PTPRN2: variants seen among roughly 807,000 people sequenced by gnomAD.
The protein encoded by PTPRN2 is protein tyrosine phosphatase receptor type N2.
In PTPRN2, 74 loss-of-function variants were observed where a neutral mutation model predicts 118.8. That is an observed-to-expected ratio of 0.62 (90% confidence interval 0.52 to 0.76). The LOEUF (loss-of-function observed/expected upper bound fraction) is 0.76. Ranked by LOEUF, PTPRN2 falls within the 30% of genes least tolerant of loss-of-function variation. PTPRN2 has a pLI of 0.00. For missense variants in PTPRN2, 1,481 were observed against 1,394.4 expected (o/e 1.06, Z -0.99); for synonymous variants, 641 against 608.0 (o/e 1.05, Z -0.80).
At chr7:158,153,145 C>T (rs115650647) in intron 6 of PTPRN2, among the ~76,000 whole-genome samples, 57 of 152,264 alleles carry the variant, frequency 3.7e-4, no homozygotes, top group Non-Finnish European at 6.9e-4. Context: ...CGAGTGTGGC[C>T]GGGGCAGTCT....
At chr7:158,342,186 C>CCGCAGACGT (rs1806999268) in intron 2 of PTPRN2, among the ~76,000 whole-genome samples, 1 of 144,310 alleles carries the variant, frequency 6.9e-6, no homozygotes, top group Non-Finnish European at 1.5e-5. Flanking sequence ...GAGCCGACGC[C>CCGCAGACGT]CACAGACGTC....
intron 12 of PTPRN2, among the ~76,000 whole-genome samples, chr7:157,841,843 T>C (rs1808444758): frequency 6.6e-6 from 1 of 152,156 alleles, no homozygotes; most frequent in Non-Finnish European, 1.5e-5. Flanking sequence ...CACCCTGGAT[T>C]CTGCGCTTTC....
At chr7:158,248,903 GCA>G (rs1199929440) in intron 3 of PTPRN2, among the ~76,000 whole-genome samples, 1 of 137,926 alleles carries the variant, frequency 7.3e-6, no homozygotes, top group African/African-American at 2.8e-5. Context: ...GCACATATGT[GCA>G]TATATACACC....
In PTPRN2 at chr7:157,944,338, G is replaced by C. The variant is rs1800334416; in HGVS notation, c.1724-45601C>G. Reference sequence around the variant, plus strand: ...TCAGTGGAGCCCACCACCCAAGCGGGGGCGGTACCACTCCCACCACTGACT... The same window carrying C: ...TCAGTGGAGCCCACCACCCAAGCGGCGGCGGTACCACTCCCACCACTGACT... On this transcript the variant is annotated intron_variant, in intron 11 of 22. Coordinates refer to ENST00000389418, the MANE Select transcript of PTPRN2 (RefSeq NM_002847.5). The surrounding 1 kb of genome is among the most constrained non-coding windows in gnomAD (Gnocchi z 4.3). Among the ~76,000 whole-genome samples, 1 of 152,166 alleles carries C rather than the reference G, an allele frequency of 6.6e-6. No homozygotes were observed. The highest frequency in any genetic ancestry group is 1.5e-5 in the Non-Finnish European group (1 of 68,032).
chr7:157,736,079 G>A (rs1007800522), intron 12 of PTPRN2, among the ~76,000 whole-genome samples: 2 of 152,204 alleles, frequency 1.3e-5, no homozygotes, highest in African/African-American at 2.4e-5. Flanking sequence ...CTGCCTGGGC[G>A]AGGCCGGCAC....
Position 158,412,727 on chromosome 7 carries a change from G to A in PTPRN2, c.163+77008C>T, listed in dbSNP as rs1308341498. Among the ~76,000 whole-genome samples the A allele has an allele frequency of 6.1e-4, 56 of 92,282 alleles. 1 individual carries two copies. The highest frequency in any genetic ancestry group is 5.9e-4 in the Non-Finnish European group (28 of 47,510). The allele number at this position is 92,282 out of a possible 152,430, so 60.5% of individuals were successfully genotyped here. ...TCCTCAGCTCCAGGGCCCATCCAGC[G>A]CCCTCCTCAGCACCAGGGCCCAGCT... On this transcript the variant is annotated intron_variant, in intron 2 of 22. Coordinates refer to ENST00000389418, the MANE Select transcript of PTPRN2 (RefSeq NM_002847.5).
intron 3 of PTPRN2, among the ~76,000 whole-genome samples, chr7:158,221,165 T>G (rs1040963169): frequency 6.6e-6 from 1 of 152,296 alleles, no homozygotes; most frequent in South Asian, 2.1e-4. Context: ...GTTAGCCGTA[T>G]GCAGAAGATT....
intron 14 of PTPRN2, among the ~76,000 whole-genome samples, chr7:157,638,083 G>A (rs1804431427): frequency 6.6e-6 from 1 of 152,246 alleles, no homozygotes; most frequent in Admixed American, 6.5e-5. Flanking sequence ...ATATGCACAT[G>A]AGCAATAATA....
chr7:158,208,112 A>C (rs1402831231), intron 3 of PTPRN2, among the ~76,000 whole-genome samples: 1 of 152,220 alleles, frequency 6.6e-6, no homozygotes, highest in African/African-American at 2.4e-5. Flanking sequence ...AGACCAAAGA[A>C]AAAAGGATTT....
Position 158,361,291 on chromosome 7 carries a change from C to T in PTPRN2, c.164-44359G>A, listed in dbSNP as rs113327795. 1.3e-4 allele frequency among the ~76,000 whole-genome samples: 2 copies of T among 15,894 alleles called. 1 individual carries two copies. The allele number at this position is 15,894 out of a possible 152,430, so 10.4% of individuals were successfully genotyped here. A position where few individuals can be genotyped will look rare whatever the true frequency, so the allele number is the denominator to read the frequency against. On this transcript the variant is annotated intron_variant, in intron 2 of 22. Coordinates refer to ENST00000389418, the MANE Select transcript of PTPRN2 (RefSeq NM_002847.5). ...CCAAGGATGATGCGCAGACCCCACA[C>T]CCTGGCAACCCACAGACCCCGTGTC...
intron 5 of PTPRN2, 22 bp from the exon 6 acceptor site, chr7:158,167,313 C>A: frequency 6.4e-7 from 1 of 1,561,776 alleles, no homozygotes; most frequent in Non-Finnish European, 8.7e-7. Flanking sequence ...GAGAGCAAAA[C>A]AGAGCAAGAG....
rs146700245 is a variant in PTPRN2 at position 157,656,498 on chromosome 7, C to G, written c.2055G>C (p.Pro685=). ...ATRPPDRPEG[P]HTSRISSVSS... Reference sequence around the variant, plus strand: ...AGACGCTGCTGATGCGTGACGTGTGCGGGCCCTCAGGTCGGTCTGGTGGCC... The same window carrying G: ...AGACGCTGCTGATGCGTGACGTGTGGGGGCCCTCAGGTCGGTCTGGTGGCC... The change falls in exon 14 of 23, where the codon CCG becomes CCC. Residue 685 remains proline (P), a synonymous_variant. Transcript: ENST00000389418. The G allele has an allele frequency of 6.4e-7, 1 of 1,553,320 alleles. No homozygotes were observed. Among genetic ancestry groups the G allele is most frequent in the Non-Finnish European group, 8.7e-7 (1 of 1,153,510 alleles).
intron 11 of PTPRN2, among the ~76,000 whole-genome samples, chr7:157,956,366 C>T (rs986854447): frequency 2.0e-5 from 3 of 152,144 alleles, no homozygotes; most frequent in East Asian, 1.9e-4. Flanking sequence ...AGGTGTCTAC[C>T]GAGAGGGTTT....
chr7:157,871,724 C>T (rs1229563917), intron 12 of PTPRN2, among the ~76,000 whole-genome samples: 1 of 151,640 alleles, frequency 6.6e-6, no homozygotes, highest in African/African-American at 2.4e-5. Context: ...CACACATATA[C>T]ACATACATAC....
chr7:158,204,324 T>A (rs1441896992), intron 4 of PTPRN2, among the ~76,000 whole-genome samples: 1 of 152,242 alleles, frequency 6.6e-6, no homozygotes, highest in Non-Finnish European at 1.5e-5. Context: ...GTGTGCGGCG[T>A]GCTGGGGGAC....
chr7:158,059,808 T>C (rs1810170393), intron 11 of PTPRN2, among the ~76,000 whole-genome samples: 2 of 129,880 alleles, frequency 1.5e-5, no homozygotes, highest in South Asian at 2.8e-4. Flanking sequence ...CGGTGAGACA[T>C]CACTGCAGCC....
At chr7:158,065,349 A>G (rs1488152400) in intron 11 of PTPRN2, among the ~76,000 whole-genome samples, 1 of 152,250 alleles carries the variant, frequency 6.6e-6, no homozygotes, top group East Asian at 1.9e-4. Context: ...ACATAAGATC[A>G]TGGGGGAGTC....
At chr7:157,793,124 C>T (rs943024741) in intron 12 of PTPRN2, among the ~76,000 whole-genome samples, 1 of 151,872 alleles carries the variant, frequency 6.6e-6, no homozygotes, top group Non-Finnish European at 1.5e-5. Flanking sequence ...TCTGCAGCTG[C>T]GGTTGTGGTC....
At chr7:157,635,067 G>A (rs73515101) in intron 14 of PTPRN2, among the ~76,000 whole-genome samples, 1,552 of 152,322 alleles carry the variant, frequency 0.01, 24 homozygotes, top group African/African-American at 0.036. Context: ...TGTCCACAGC[G>A]ACACGGGCTC....
Sources: gnomAD v4.1 joint callset for allele counts (sites outside exome capture counted in the v4.1 genomes callset) on GRCh38, gnomAD v4.1.1 for gene constraint, Gnocchi (gnomAD v3.1) non-coding constraint, MANE v1.5 for transcripts, NCBI Gene and HGNC (gene_info 2026-07-23, HGNC 2026-07-21) for gene names.